The following THAP10 variants were observed in gnomAD, a reference collection of about 807,000 sequenced individuals.
THAP10 encodes THAP domain containing 10, also known as THAP domain-containing protein 10.
In THAP10, 10 loss-of-function variants were observed where a neutral mutation model predicts 15.7. The observed-to-expected ratio is 0.64, with a 90% confidence interval of 0.39 to 1.08. The LOEUF (loss-of-function observed/expected upper bound fraction) is 1.08. THAP10 is among the 50% of genes least tolerant of loss of function. THAP10 has a pLI of 0.01. For missense variants in THAP10, 310 were observed against 330.9 expected, an observed-to-expected ratio of 0.94 and a Z score of 0.49; for synonymous variants, 127 against 129.1, an observed-to-expected ratio of 0.98 and a Z score of 0.11.
At chr15:70,882,958 T>C (rs963258733) in intron 1 of THAP10, 50 bp from the exon 2 acceptor site, 1 of 1,579,880 alleles carries the variant, frequency 6.3e-7, no homozygotes, top group African/African-American at 1.4e-5. Flanking sequence ...CCTTATAGGA[T>C]TTTATCTTTC....
At chr15:70,883,073 T>C (rs1402910726) in intron 1 of THAP10, among the ~76,000 whole-genome samples, 165 bp from the exon 2 acceptor site, 1 of 152,250 alleles carries the variant, frequency 6.6e-6, no homozygotes, top group Non-Finnish European at 1.5e-5. Context: ...CAACCTTTTA[T>C]GAATTCTGCC....
intron 1 of THAP10, among the ~76,000 whole-genome samples, chr15:70,883,814 C>T (rs1165457130): frequency 6.6e-6 from 1 of 151,856 alleles, no homozygotes; most frequent in Non-Finnish European, 1.5e-5. Context: ...GCCACCATGC[C>T]TGGCTAATTT....
At chr15:70,885,394 CTATT>C (rs2033380140) in intron 1 of THAP10, among the ~76,000 whole-genome samples, 1 of 152,106 alleles carries the variant, frequency 6.6e-6, no homozygotes, top group African/African-American at 2.4e-5. Context: ...TAAACCCTTT[CTATT>C]TATCAAAATA....
Position 70,882,345 on chromosome 15 carries a change from C to T in THAP10, c.*109G>A, listed in dbSNP as rs1567034547. The stretch of plus-strand genomic sequence containing the variant: ...TAGAGCTAAACAAATTATGCTGATA[C>T]TCAACTGTCAAATTATCTTGAAGTG... On this transcript the variant is annotated 3_prime_UTR_variant, in exon 3 of 3. Transcript: ENST00000249861. 2 of 1,043,346 alleles carry T rather than the reference C, an allele frequency of 1.9e-6. No homozygotes were observed. The highest frequency in any genetic ancestry group is 4.6e-5 in the Admixed American group (2 of 43,036). 64.6% of individuals were successfully genotyped at this position (1,043,346 alleles called of 1,614,324 possible).
chr15:70,887,743 A>G (rs2033448713), intron 1 of THAP10, among the ~76,000 whole-genome samples: 1 of 152,340 alleles, frequency 6.6e-6, no homozygotes, highest in African/African-American at 2.4e-5. Flanking sequence ...CATTCAAGCC[A>G]GTGCAACAGG....
intron 1 of THAP10, among the ~76,000 whole-genome samples, chr15:70,887,804 T>A (rs150957516): frequency 5.8e-4 from 88 of 152,290 alleles, no homozygotes; most frequent in African/African-American, 2.0e-3. Context: ...CAGATGATAT[T>A]TTTGTACATG....
In THAP10 at chr15:70,891,976, CCT is replaced by C. The variant is rs756547198; in HGVS notation, c.295_296del (p.Arg99GlyfsTer23). 4 of 1,613,526 alleles carry C rather than the reference CCT, an allele frequency of 2.5e-6. No homozygotes were observed. Among genetic ancestry groups the C allele is most frequent in the Non-Finnish European group, 3.4e-6 (4 of 1,179,806 alleles). Reference sequence around the variant, plus strand: ...GGCCTGCTTGGTCTCCCTCCTCTCCCCTCTTAGGTGCCGGGGCGGGCACCCGG... The same window carrying C: ...GGCCTGCTTGGTCTCCCTCCTCTCCCCTTAGGTGCCGGGGCGGGCACCCGG... ...LHRVPAPAPK[R>X]GEEGDQAGRL... On this transcript the variant is annotated frameshift_variant, in exon 1 of 3. Transcript: ENST00000249861. LOFTEE classifies it high-confidence loss of function.
In THAP10 at chr15:70,882,671, G is replaced by A. The variant is rs751473165; in HGVS notation, c.578-21C>T. 4.3e-6 allele frequency: 7 copies of A among 1,611,626 alleles called. No homozygotes were observed. In the African/African-American group the frequency reaches 6.7e-5, roughly 15 times the overall value. On this transcript the variant is annotated intron_variant, in intron 2 of 2. Transcript: ENST00000249861. ...AATACCTGAAAGAGAATAAGCATAA[G>A]TACCTATGAGTTAGACTTTGCTTTT...
intron 1 of THAP10, among the ~76,000 whole-genome samples, chr15:70,890,764 TACATGCAACA>T (rs1215551374): frequency 4.6e-5 from 7 of 152,154 alleles, no homozygotes; most frequent in African/African-American, 1.7e-4. Context: ...GATATTATAA[TACATGCAACA>T]ACTGAGCAAA....
rs759373457 is a variant in THAP10 at position 70,882,770 on chromosome 15, G to A, written c.568C>T (p.Arg190Cys). ...TQISLKRPRH[R>C]SVGIQAKVKA... ...AAGAGTCAAAACATACCCACACTAC[G>A]GTGACGGGGCCTTTTCAAAGAAATT... The change falls in exon 2 of 3, where the codon CGT (arginine) becomes TGT (cysteine). Residue 190 changes from arginine (R) to cysteine (C), a missense_variant. Arg to Cys is a radical substitution (Grantham distance 180). Coordinates refer to ENST00000249861, the MANE Select transcript of THAP10 (RefSeq NM_020147.4). The A allele has an allele frequency of 3.7e-6, 6 of 1,613,936 alleles. No homozygotes were observed. The East Asian group carries it at 6.7e-5, about 18-fold the overall frequency.
In THAP10 at chr15:70,882,805, T is replaced by C. The variant is rs1428691085; in HGVS notation, c.533A>G (p.Lys178Arg). ...PTHCEEGPVHKSTQISLKRPR... is the reference protein window; with the variant it reads ...PTHCEEGPVHRSTQISLKRPR... ...CCTTTTCAAAGAAATTTGTGTACTT[T>C]TATGCACTGGGCCTTCTTCACAGTG... Residue 178 changes from lysine (K) to arginine (R), a missense_variant, in exon 2 of 3, where the codon AAA becomes AGA. Lys to Arg is a conservative substitution (Grantham distance 26). Transcript: ENST00000249861. The C allele has an allele frequency of 1.2e-6, 2 of 1,614,218 alleles. No individual in the cohort carries two copies. The highest frequency in any genetic ancestry group is 8.5e-7 in the Non-Finnish European group (1 of 1,180,028).
intron 1 of THAP10, among the ~76,000 whole-genome samples, chr15:70,883,644 A>G (rs1343216127): frequency 7.1e-6 from 1 of 140,502 alleles, no homozygotes; most frequent in East Asian, 2.2e-4. Flanking sequence ...ACATTGTGAA[A>G]TGGAATTTTT....
At chr15:70,885,915 A>C (rs1297204070) in intron 1 of THAP10, among the ~76,000 whole-genome samples, 2 of 152,200 alleles carry the variant, frequency 1.3e-5, no homozygotes, top group Non-Finnish European at 2.9e-5. Flanking sequence ...GAACATTTAA[A>C]AAACTATTTT....
At chr15:70,887,173 T>G (rs1183455721) in intron 1 of THAP10, among the ~76,000 whole-genome samples, 1 of 152,026 alleles carries the variant, frequency 6.6e-6, no homozygotes, top group Non-Finnish European at 1.5e-5. Flanking sequence ...TATCAATGAG[T>G]TCTACCAAAT....
intron 1 of THAP10, among the ~76,000 whole-genome samples, chr15:70,888,790 G>A (rs182700660): frequency 8.5e-5 from 13 of 152,118 alleles, no homozygotes; most frequent in African/African-American, 3.1e-4. Context: ...CAGAAAAATG[G>A]GCTAGATTTA....
chr15:70,891,825 T>G lies in THAP10; in HGVS notation c.429+19A>C, dbSNP rs200690942. 1 of 1,541,276 alleles carries G rather than the reference T, an allele frequency of 6.5e-7. No homozygotes were observed. Among genetic ancestry groups the G allele is most frequent in the East Asian group, 2.3e-5 (1 of 44,186 alleles). On this transcript the variant is annotated intron_variant, in intron 1 of 2. Transcript: ENST00000249861. Reference sequence around the variant, plus strand: ...AGAGTCCAGGGGTCCTTACACAACCTTCGGTGGTCTCTCTTTACCTGTGAA... The same window carrying G: ...AGAGTCCAGGGGTCCTTACACAACCGTCGGTGGTCTCTCTTTACCTGTGAA...
chr15:70,887,323 CTG>C (rs2033436474), intron 1 of THAP10, among the ~76,000 whole-genome samples: 2 of 152,052 alleles, frequency 1.3e-5, no homozygotes, highest in African/African-American at 4.8e-5. Context: ...AAGAAAAAAA[CTG>C]TAGAACAGTT....
Position 70,882,235 on chromosome 15 carries a change from A to G in THAP10, c.*219T>C. ...TGATTTCTACCAAAAGGATTAAAAG[A>G]AAAAAAAAGGTGAAAGTAGAGAATA... On this transcript the variant is annotated 3_prime_UTR_variant, in exon 3 of 3. Transcript: ENST00000249861. The G allele has an allele frequency of 5.1e-6, 2 of 390,204 alleles. No homozygotes were observed. Among genetic ancestry groups the G allele is most frequent in the Non-Finnish European group, 9.1e-6 (2 of 219,996 alleles). The allele number at this position is 390,204 out of a possible 1,614,324, so 24.2% of individuals were successfully genotyped here. A position where few individuals can be genotyped will look rare whatever the true frequency, so the allele number is the denominator to read the frequency against.
intron 1 of THAP10, among the ~76,000 whole-genome samples, chr15:70,884,059 G>A (rs2033338446): frequency 6.6e-6 from 1 of 152,158 alleles, no homozygotes. Context: ...GAGATTATGT[G>A]GAAGACGGTA....
Sources: gnomAD v4.1 joint callset for allele counts (sites outside exome capture counted in the v4.1 genomes callset) on GRCh38, gnomAD v4.1.1 for gene constraint, MANE v1.5 for transcripts, NCBI Gene and HGNC (gene_info 2026-07-23, HGNC 2026-07-21) for gene names.